Variants in KNDC1 observed in about 807,000 individuals in gnomAD.
KNDC1 encodes the protein kinase non-catalytic C-lobe domain containing 1.
In KNDC1, 106 loss-of-function variants were observed where a neutral mutation model predicts 172.8. That is an observed-to-expected ratio of 0.61 (90% confidence interval 0.52 to 0.72). KNDC1 has a LOEUF of 0.72. KNDC1 is among the 30% of genes least tolerant of loss of function. The pLI, the probability that KNDC1 is intolerant of heterozygous loss-of-function variation, is 0.00. For synonymous variants in KNDC1, 1,083 were observed against 1,062.2 expected (o/e 1.02, Z -0.38); for missense variants, 2,325 against 2,394.5 (o/e 0.97, Z 0.61).
intron 26 of KNDC1, among the ~76,000 whole-genome samples, chr10:133,216,229 G>C (rs937873391): frequency 6.6e-6 from 1 of 151,956 alleles, no homozygotes; most frequent in African/African-American, 2.4e-5. Context: ...GGAGACACAA[G>C]GGCAGGAAGA....
chr10:133,212,667 C>T (rs757531701), intron 23 of KNDC1, 49 bp from the exon 24 acceptor site: 2 of 1,550,600 alleles, frequency 1.3e-6, no homozygotes, highest in Admixed American at 3.4e-5. Context: ...ACCCCTGACC[C>T]AGAGGGGACA....
At chr10:133,160,630 C>G in intron 1 of KNDC1, 61 bp downstream of exon 1, 1 of 1,233,676 alleles carries the variant, frequency 8.1e-7, no homozygotes, top group South Asian at 1.4e-5. Flanking sequence ...GGAGAGCGCC[C>G]GGGGGGAGGA....
rs551376700 is a variant in KNDC1, at chr10:133,211,574, C to T, written c.4056+5C>T. 2 of 1,612,702 alleles carry T rather than the reference C, an allele frequency of 1.2e-6. No individual in the cohort carries two copies. Among genetic ancestry groups the T allele is most frequent in the South Asian group, 1.1e-5 (1 of 90,994 alleles). ...GAGGACTTCATCTCCTCCAAGGTGA[C>T]AGTGGCGCTGAGCTGGGCGGCCGCA... On this transcript the variant is annotated splice_donor_5th_base_variant and intron_variant, in intron 22 of 29. Transcript: ENST00000304613.
Position 133,210,702 on chromosome 10 carries a change from C to T in KNDC1, c.3886C>T (p.Arg1296Cys), listed in dbSNP as rs759649499. 7.4e-6 allele frequency: 12 copies of T among 1,613,478 alleles called. No individual in the cohort carries two copies. The highest frequency in any genetic ancestry group is 2.7e-5 in the African/African-American group (2 of 74,920). ...CGACTTCCTGCACTTCCTCCTCGAC[C>T]GCATCAACAGCACGCTGACCAGGTA... ...PHDFLHFLLD[R>C]INSTLTRAHQ... Residue 1296 changes from arginine to cysteine, a missense_variant, in exon 21 of 30, where the codon CGC (arginine) becomes TGC (cysteine). By Grantham distance (180) the Arg-to-Cys change is radical. Coordinates refer to ENST00000304613, the MANE Select transcript of KNDC1 (RefSeq NM_152643.8).
intron 15 of KNDC1, 128 bp from the exon 16 acceptor site, chr10:133,200,247 G>T: frequency 1.7e-6 from 1 of 598,214 alleles, no homozygotes; most frequent in Non-Finnish European, 2.7e-6. Context: ...TGACTGAGAG[G>T]GGTGAGCTCC....
chr10:133,211,423 G>A lies in KNDC1; in HGVS notation c.3910G>A (p.Ala1304Thr). ...LDRINSTLTR[A>T]HQDPTSTFTK... is the part of the protein sequence containing the mutation. The stretch of plus-strand genomic sequence containing the variant: ...TCAGCAGCTCCCCTGCGTCTCCAGG[G>A]CCCACCAGGACCCCACCTCGACCTT... Residue 1304 changes from alanine (A) to threonine (T), a missense_variant and splice_region_variant, in exon 22 of 30, where the codon GCC (alanine) becomes ACC (threonine). Transcript: ENST00000304613. 6.2e-7 allele frequency: 1 copy of A among 1,609,540 alleles called. No individual in the cohort carries two copies. The highest frequency in any genetic ancestry group is 8.5e-7 in the Non-Finnish European group (1 of 1,178,382).
chr10:133,205,562 C>A (rs1054096700), intron 17 of KNDC1, among the ~76,000 whole-genome samples: 1 of 152,208 alleles, frequency 6.6e-6, no homozygotes, highest in African/African-American at 2.4e-5. Flanking sequence ...ACGCTGCGGC[C>A]GCCGCCCAGC....
At chr10:133,185,297 G>T (rs1252222673) in intron 5 of KNDC1, among the ~76,000 whole-genome samples, 1 of 150,796 alleles carries the variant, frequency 6.6e-6, no homozygotes, top group Non-Finnish European at 1.5e-5. Flanking sequence ...GGCAGTGTGT[G>T]CAGTGTAGAG....
chr10:133,214,841 T>G (rs969821969), intron 26 of KNDC1, among the ~76,000 whole-genome samples: 9 of 152,242 alleles, frequency 5.9e-5, no homozygotes, highest in Non-Finnish European at 1.0e-4. Flanking sequence ...GGCAGGGCAC[T>G]GTGCAGCCCC....
rs367837569 is a variant in KNDC1, at chr10:133,199,111, G to A, written c.2603G>A (p.Arg868Gln). The A allele has an allele frequency of 2.2e-5, 35 of 1,608,478 alleles. No individual in the cohort carries two copies. The highest frequency in any genetic ancestry group is 8.4e-5 in the Admixed American group (5 of 59,640). Residue 868 changes from arginine to glutamine, a missense_variant, in exon 14 of 30, where the codon CGG (arginine) becomes CAG (glutamine). Coordinates refer to ENST00000304613, the MANE Select transcript of KNDC1 (RefSeq NM_152643.8). Reference sequence around the variant, plus strand: ...CCAGACAGTGTCCCAGAGAGGCCGCGGCCCGCAGACCGGAGGCTCTGTCTG... The same window carrying A: ...CCAGACAGTGTCCCAGAGAGGCCGCAGCCCGCAGACCGGAGGCTCTGTCTG... ...QSPDSVPERP[R>Q]PADRRLCLPC...
At chr10:133,221,692 C>A (rs9418948) in intron 29 of KNDC1, among the ~76,000 whole-genome samples, 1 of 152,270 alleles carries the variant, frequency 6.6e-6, no homozygotes, top group African/African-American at 2.4e-5. Context: ...TCTTAGATAG[C>A]CACCAATTTA....
rs751668060 is a variant in KNDC1, at chr10:133,185,982, G to C, written c.634G>C (p.Glu212Gln). 2 of 1,595,836 alleles carry C rather than the reference G, an allele frequency of 1.3e-6. No homozygotes were observed. The highest frequency in any genetic ancestry group is 2.3e-5 in the East Asian group (1 of 44,228). ...ATCTTGCTTGTGCCCAGATGTCAGC[G>C]AGAGCAGCTGGCGGGAGAGACCTGC... ...ESFGALQDVS[E>Q]SSWRERPAPG... Residue 212 changes from glutamate (E) to glutamine (Q), a missense_variant, in exon 6 of 30, where the codon GAG (glutamate) becomes CAG (glutamine). Transcript: ENST00000304613.
At chr10:133,180,421 T>A (rs1853682514) in intron 3 of KNDC1, among the ~76,000 whole-genome samples, 1 of 152,254 alleles carries the variant, frequency 6.6e-6, no homozygotes, top group South Asian at 2.1e-4. Context: ...GCTGCAAGGA[T>A]AGCGTCTCAG....
At chr10:133,219,486 G>A (rs982854353) in intron 28 of KNDC1, among the ~76,000 whole-genome samples, 2 of 152,228 alleles carry the variant, frequency 1.3e-5, no homozygotes, top group African/African-American at 4.8e-5. Context: ...TGACTCAGAC[G>A]AGTCCCAGAG....
chr10:133,224,245 G>A lies in KNDC1; in HGVS notation c.5019-414G>A, dbSNP rs574465933. Among the ~76,000 whole-genome samples, 15 of 152,332 alleles carry A rather than the reference G, an allele frequency of 9.8e-5. No homozygotes were observed. The highest frequency in any genetic ancestry group is 2.4e-4 in the African/African-American group (10 of 41,574). On this transcript the variant is annotated intron_variant, in intron 29 of 29. Coordinates refer to ENST00000304613, the MANE Select transcript of KNDC1 (RefSeq NM_152643.8). The surrounding 1 kb of genome is among the most constrained non-coding windows in gnomAD (Gnocchi z 5.4). ...ATGGTGTGCTGGTCACTGTCAACCA[G>A]CTGTCCCAGGCTTCCGGCCCTGGGC...
intron 29 of KNDC1, among the ~76,000 whole-genome samples, chr10:133,220,992 C>T (rs577992121): frequency 6.6e-6 from 1 of 152,112 alleles, no homozygotes; most frequent in Admixed American, 6.5e-5. Context: ...CCCAAGATAA[C>T]CTCCAGCCAC....
At chr10:133,221,332 G>A (rs188404353) in intron 29 of KNDC1, among the ~76,000 whole-genome samples, 4 of 152,220 alleles carry the variant, frequency 2.6e-5, no homozygotes, top group Non-Finnish European at 4.4e-5. Flanking sequence ...CGCAGACTGG[G>A]GCTGGCTGTA....
intron 26 of KNDC1, among the ~76,000 whole-genome samples, chr10:133,214,613 C>G (rs1451468980): frequency 1.3e-5 from 2 of 152,248 alleles, no homozygotes; most frequent in African/African-American, 4.8e-5. Context: ...TGAGCCTGGC[C>G]CCTGGGCTGG....
At chr10:133,169,539 C>G (rs1377849360) in intron 3 of KNDC1, among the ~76,000 whole-genome samples, 1 of 152,254 alleles carries the variant, frequency 6.6e-6, no homozygotes, top group East Asian at 1.9e-4. Context: ...GGCTGGAGCC[C>G]TTCACCCTGG....
Sources: gnomAD v4.1 joint callset for allele counts (sites outside exome capture counted in the v4.1 genomes callset) on GRCh38, gnomAD v4.1.1 for gene constraint, Gnocchi (gnomAD v3.1) non-coding constraint, MANE v1.5 for transcripts, NCBI Gene and HGNC (gene_info 2026-07-23, HGNC 2026-07-21) for gene names.